The following SGIP1 variants were observed in gnomAD, a reference collection of about 807,000 sequenced individuals.
The protein encoded by SGIP1 is SH3GL interacting endocytic adaptor 1.
In SGIP1, 38 loss-of-function variants were observed where a neutral mutation model predicts 107.5. That is an observed-to-expected ratio of 0.35 (90% CI 0.27 to 0.46). The LOEUF is 0.46. SGIP1 is among the 20% of genes least tolerant of loss of function. The pLI is 1.00. For synonymous variants in SGIP1, 365 were observed against 366.1 expected (o/e 1.00, Z 0.03); for missense variants, 929 against 1,019.5 (o/e 0.91, Z 1.21).
rs1463643028 is a variant in SGIP1 at position 66,660,013 on chromosome 1, A to AGGAAG, written c.460-499_460-498insGAAGG. 112 of 85,092 alleles carry AGGAAG rather than the reference A, an allele frequency of 1.3e-3. 21 individuals carry two copies. Among genetic ancestry groups the AGGAAG allele is most frequent in the African/African-American group, 7.2e-3 (102 of 14,186 alleles). 5.3% of individuals were successfully genotyped at this position (85,092 alleles called of 1,614,324 possible). A position where few individuals can be genotyped will look rare whatever the true frequency, so the allele number is the denominator to read the frequency against. ...AAGAAAGAAAGACAGACAGACAGACAGACAGGAAGGAAGGAAGGAAGGAAG... is the reference window on the plus strand; with the variant it reads ...AAGAAAGAAAGACAGACAGACAGACAGGAAGGACAGGAAGGAAGGAAGGAAGGAAG... On this transcript the variant is annotated intron_variant, in intron 7 of 24. Coordinates refer to ENST00000371037, the MANE Select transcript of SGIP1 (RefSeq NM_032291.4).
At chr1:66,676,560 A>G (rs888064231) in intron 12 of SGIP1, among the ~76,000 whole-genome samples, 1 of 152,200 alleles carries the variant, frequency 6.6e-6, no homozygotes, top group Non-Finnish European at 1.5e-5. Flanking sequence ...AAGGATAGGA[A>G]CCACTGCATA....
Position 66,677,568 on chromosome 1 carries a change from T to C in SGIP1, c.739+472T>C, listed in dbSNP as rs1457459937. On this transcript the variant is annotated intron_variant, in intron 13 of 24. Coordinates refer to ENST00000371037, the MANE Select transcript of SGIP1 (RefSeq NM_032291.4). ...GAACAAGAGAACTGAGGCTATATGG[T>C]AGAGAGAAGCTGAGATAGTAGATCA... is the stretch of plus-strand genomic sequence containing the variant. Among the ~76,000 whole-genome samples, 4 of 152,024 alleles carry C rather than the reference T, an allele frequency of 2.6e-5. No homozygotes were observed. The East Asian group carries it at 7.7e-4, about 29-fold the overall frequency.
At chr1:66,714,793 T>C (rs1342818407) in intron 18 of SGIP1, among the ~76,000 whole-genome samples, 1 of 152,078 alleles carries the variant, frequency 6.6e-6, no homozygotes, top group Non-Finnish European at 1.5e-5. Context: ...TGAACTCTGG[T>C]CTCCAGAGTC....
intron 8 of SGIP1, among the ~76,000 whole-genome samples, chr1:66,664,407 T>C (rs911429246): frequency 3.9e-5 from 6 of 152,190 alleles, no homozygotes; most frequent in Admixed American, 3.3e-4. Flanking sequence ...ACTTATAAAC[T>C]GGTCTGAAAA....
chr1:66,579,473 G>A (rs1003971716), intron 1 of SGIP1, among the ~76,000 whole-genome samples: 1 of 152,206 alleles, frequency 6.6e-6, no homozygotes, highest in Non-Finnish European at 1.5e-5. Flanking sequence ...GACTTGAAAT[G>A]AAAAATTTTT....
chr1:66,686,782 G>A (rs1043981138), intron 15 of SGIP1, among the ~76,000 whole-genome samples: 20 of 152,162 alleles, frequency 1.3e-4, no homozygotes, highest in Admixed American at 8.5e-4. Flanking sequence ...TGGGGCATCC[G>A]TAAAGGAAAA....
In SGIP1 at chr1:66,643,934, A is replaced by G. The variant is rs147573796; in HGVS notation, c.459+215A>G. The G allele has an allele frequency of 5.7e-5, 19 of 333,978 alleles. No homozygotes were observed. The East Asian group carries it at 8.2e-4, about 14-fold the overall frequency. The allele number at this position is 333,978 out of a possible 1,614,324, so 20.7% of individuals were successfully genotyped here. The stretch of plus-strand genomic sequence containing the variant: ...TGTGCTTTTCAAAAAGGTGAAAAAT[A>G]TATGGAACCACATTTTCTTTTGACT... On this transcript the variant is annotated intron_variant, in intron 7 of 24. Coordinates refer to ENST00000371037, the MANE Select transcript of SGIP1 (RefSeq NM_032291.4).
intron 20 of SGIP1, among the ~76,000 whole-genome samples, chr1:66,731,009 C>T (rs1377450853): frequency 1.3e-5 from 2 of 152,118 alleles, no homozygotes; most frequent in Admixed American, 6.5e-5. Context: ...CAGTTTCTAC[C>T]GTTACTTTTA....
intron 12 of SGIP1, among the ~76,000 whole-genome samples, chr1:66,675,879 T>C (rs1032425821): frequency 6.6e-6 from 1 of 151,898 alleles, no homozygotes; most frequent in African/African-American, 2.4e-5. Flanking sequence ...GGGGAAAAAA[T>C]ATGTATTTTA....
intron 1 of SGIP1, among the ~76,000 whole-genome samples, chr1:66,597,643 C>G (rs551892262): frequency 6.6e-6 from 1 of 152,290 alleles, no homozygotes; most frequent in East Asian, 1.9e-4. Context: ...GAATCCTTCT[C>G]AACACACACT....
intron 10 of SGIP1, 69 bp from the exon 11 acceptor site, chr1:66,671,875 C>A: frequency 6.9e-7 from 1 of 1,441,016 alleles, no homozygotes; most frequent in Non-Finnish European, 9.7e-7. Context: ...TGTTTCCAAA[C>A]ATAGGTTATA....
At chr1:66,667,655 G>A in intron 9 of SGIP1, 114 bp downstream of exon 9, 1 of 896,934 alleles carries the variant, frequency 1.1e-6, no homozygotes, top group South Asian at 1.3e-5. Context: ...GAATGAGGCA[G>A]ATGAAATAGG....
intron 2 of SGIP1, 61 bp from the exon 3 acceptor site, chr1:66,633,009 T>G: frequency 2.8e-6 from 3 of 1,067,000 alleles, no homozygotes; most frequent in Non-Finnish European, 4.4e-6. Context: ...CTGTTGTACT[T>G]TAGTCTATGT....
At chr1:66,612,906 T>C (rs948176603) in intron 1 of SGIP1, among the ~76,000 whole-genome samples, 1 of 152,234 alleles carries the variant, frequency 6.6e-6, no homozygotes, top group Admixed American at 6.5e-5. Flanking sequence ...TGCTAAAAAC[T>C]CAGACTTGGC....
chr1:66,586,880 T>A (rs1336834252), intron 1 of SGIP1, among the ~76,000 whole-genome samples: 2 of 152,114 alleles, frequency 1.3e-5, no homozygotes, highest in African/African-American at 4.8e-5. Flanking sequence ...TGATAAATTC[T>A]TACTTTTCTT....
intron 4 of SGIP1, among the ~76,000 whole-genome samples, chr1:66,637,128 A>G (rs1422756966): frequency 6.6e-6 from 1 of 152,122 alleles, no homozygotes; most frequent in African/African-American, 2.4e-5. Context: ...TGCCTAACTG[A>G]TATTTCCTTT....
At position 66,689,130 on chromosome 1, in the gene SGIP1, T is replaced by C. The variant is rs369120906; in HGVS notation, c.1316-18T>C. On this transcript the variant is annotated intron_variant, in intron 15 of 24. Transcript: ENST00000371037. Reference sequence around the variant, plus strand: ...CCCCCTGTGTTTCCAGCCATTTTAATGCTAGTTTGTTTTTCAGGTGCATCA... The same window carrying C: ...CCCCCTGTGTTTCCAGCCATTTTAACGCTAGTTTGTTTTTCAGGTGCATCA... 5.7e-5 allele frequency: 92 copies of C among 1,608,138 alleles called. No individual in the cohort carries two copies. Among genetic ancestry groups the C allele is most frequent in the Non-Finnish European group, 7.4e-5 (87 of 1,176,794 alleles).
intron 10 of SGIP1, among the ~76,000 whole-genome samples, chr1:66,671,367 A>T (rs2083754711): frequency 6.6e-6 from 1 of 152,174 alleles, no homozygotes; most frequent in Admixed American, 6.6e-5. Flanking sequence ...AGGAACTGAA[A>T]GTAGAAGCAA....
At chr1:66,540,688 T>A (rs746333118) in intron 1 of SGIP1, among the ~76,000 whole-genome samples, 7 of 152,218 alleles carry the variant, frequency 4.6e-5, no homozygotes, top group Non-Finnish European at 1.0e-4. Flanking sequence ...GATTGAAGAA[T>A]TTGTTAATCT....
Sources: allele counts gnomAD v4.1 joint callset (sites outside exome capture counted in the v4.1 genomes callset), GRCh38; gene constraint gnomAD v4.1.1; transcripts MANE v1.5; gene names NCBI Gene and HGNC (gene_info 2026-07-23, HGNC 2026-07-21).